AP2A2: variants seen among roughly 807,000 people sequenced by gnomAD.
AP2A2 encodes adaptor related protein complex 2 subunit alpha 2.
A neutral mutation model predicts 104.2 loss-of-function variants in AP2A2; 32 were observed. The ratio of observed to expected loss-of-function variants is 0.31; its 90% CI spans 0.23 to 0.41. The LOEUF (loss-of-function observed/expected upper bound fraction) is 0.41, where lower values mean the gene tolerates loss of function less well. AP2A2 is among the 10% of genes least tolerant of loss of function. AP2A2 has a pLI of 1.00. For missense variants in AP2A2, 912 were observed against 1,261.0 expected, an observed-to-expected ratio of 0.72 and a Z score of 4.19; for synonymous variants, 539 against 533.3, an observed-to-expected ratio of 1.01 and a Z score of -0.15.
In AP2A2 at chr11:1,009,793, C is replaced by T. The variant is rs1856359757; in HGVS notation, c.2718C>T (p.Arg906=). ...CCACCCAGATTGGATGCCTGCTGCG[C>T]TTGGAGCCGAACCTGCAAGCCCAGG... is the stretch of plus-strand genomic sequence containing the variant. ...TKTTQIGCLL[R]LEPNLQAQMY... The change falls in exon 21 of 22, where the codon CGC becomes CGT. Residue 906 remains arginine, a synonymous_variant. Transcript: ENST00000448903. The T allele has an allele frequency of 1.3e-6, 2 of 1,548,394 alleles. No homozygotes were observed. Among genetic ancestry groups the T allele is most frequent in the African/African-American group, 1.4e-5 (1 of 73,044 alleles).
intron 16 of AP2A2, among the ~76,000 whole-genome samples, chr11:1,004,595 G>T (rs1377397486): frequency 2.6e-5 from 4 of 151,882 alleles, no homozygotes; most frequent in Non-Finnish European, 2.9e-5. Context: ...GCACAACATT[G>T]TGAGACCCCA....
intron 10 of AP2A2, 189 bp downstream of exon 10, chr11:988,878 C>A: frequency 1.4e-6 from 1 of 735,288 alleles, no homozygotes. Context: ...ACCTGTGGTC[C>A]CCGCTACTCC....
chr11:980,666 GGCCTCATCCA>G (rs1438278352), intron 5 of AP2A2, among the ~76,000 whole-genome samples: 3 of 152,246 alleles, frequency 2.0e-5, no homozygotes, highest in Non-Finnish European at 4.4e-5. Flanking sequence ...TGGGCCTAGT[GGCCTCATCCA>G]GCCTATGGTG....
chr11:983,319 C>T (rs1288815127), intron 6 of AP2A2, among the ~76,000 whole-genome samples: 1 of 151,918 alleles, frequency 6.6e-6, no homozygotes, highest in Non-Finnish European at 1.5e-5. Context: ...GACACCGCAC[C>T]TGGACTCCTT....
Position 992,161 on chromosome 11 carries a change from TGCCACCGGGA to T in AP2A2, c.1270-338_1270-329del, listed in dbSNP as rs1564814444. On this transcript the variant is annotated intron_variant, in intron 10 of 21. Coordinates refer to ENST00000448903, the MANE Select transcript of AP2A2 (RefSeq NM_012305.4). The surrounding 1 kb of genome is among the most constrained non-coding windows in gnomAD (Gnocchi z 6.4). ...GCGCAGTCAGAGGTCAGAGGAGTGC[TGCCACCGGGA>T]GCCTAGGGTGATGAGGTCAGAGGAG... 6.6e-6 allele frequency among the ~76,000 whole-genome samples: 1 copy of T among 151,832 alleles called. No individual in the cohort carries two copies. The highest frequency in any genetic ancestry group is 1.5e-5 in the Non-Finnish European group (1 of 67,940).
intron 1 of AP2A2, among the ~76,000 whole-genome samples, chr11:942,941 T>C (rs116049976): frequency 8.2e-4 from 125 of 152,146 alleles, no homozygotes; most frequent in African/African-American, 2.9e-3. Flanking sequence ...GGCTGTACTG[T>C]TGGAACTCAG....
At chr11:933,477 G>A (rs1441833152) in intron 1 of AP2A2, 1 of 452,922 alleles carries the variant, frequency 2.2e-6, no homozygotes, top group East Asian at 7.0e-5. Context: ...CCGGGTGGGT[G>A]GGATAGGTTG....
At position 992,359 on chromosome 11, in the gene AP2A2, C is replaced by G. The variant is rs576684076; in HGVS notation, c.1270-144C>G. 2 of 800,062 alleles carry G rather than the reference C, an allele frequency of 2.5e-6. No individual in the cohort carries two copies. Among genetic ancestry groups the G allele is most frequent in the Non-Finnish European group, 2.0e-6 (1 of 497,000 alleles). The allele number at this position is 800,062 out of a possible 1,614,324, so 49.6% of individuals were successfully genotyped here. On this transcript the variant is annotated intron_variant, in intron 10 of 21. Transcript: ENST00000448903. The surrounding 1 kb of genome is among the most constrained non-coding windows in gnomAD (Gnocchi z 6.4). ...TGGGCTCGTGGGCTTTTTTGAGAAT[C>G]GAGTTCAAGCTTCCTCCATGTCCCA...
At chr11:959,402 T>C in intron 1 of AP2A2, 35 bp from the exon 2 acceptor site, 2 of 1,384,504 alleles carry the variant, frequency 1.4e-6, no homozygotes, top group Non-Finnish European at 2.0e-6. Flanking sequence ...TAGAAATCAA[T>C]TAAAATAAAA....
At chr11:941,208 G>A (rs78374219) in intron 1 of AP2A2, among the ~76,000 whole-genome samples, 4 of 152,238 alleles carry the variant, frequency 2.6e-5, no homozygotes, top group East Asian at 1.9e-4. Flanking sequence ...TGTTCGAGAC[G>A]GTTTGCTTCT....
At chr11:978,845 A>C (rs1855142172) in intron 5 of AP2A2, among the ~76,000 whole-genome samples, 1 of 152,112 alleles carries the variant, frequency 6.6e-6, no homozygotes, top group Non-Finnish European at 1.5e-5. Flanking sequence ...GGGCGGGACC[A>C]GGTGGGTGAG....
At chr11:1,010,301 C>T in intron 21 of AP2A2, 1 of 580,958 alleles carries the variant, frequency 1.7e-6, no homozygotes, top group Non-Finnish European at 3.1e-6. Flanking sequence ...GAACATCCCA[C>T]AGCTTCTCCA....
At chr11:949,411 C>T (rs1482009394) in intron 1 of AP2A2, among the ~76,000 whole-genome samples, 6 of 152,102 alleles carry the variant, frequency 3.9e-5, no homozygotes, top group Admixed American at 1.3e-4. Flanking sequence ...AATTACAGGC[C>T]ATTATCATGA....
chr11:926,891 A>G (rs534382385), intron 1 of AP2A2, among the ~76,000 whole-genome samples: 43 of 152,244 alleles, frequency 2.8e-4, no homozygotes, highest in Admixed American at 1.7e-3. Flanking sequence ...AAGGATGTGC[A>G]GGGTGGCTGG....
At position 983,666 on chromosome 11, in the gene AP2A2, A is replaced by G. The variant is rs1266177860; in HGVS notation, c.706-979A>G. On this transcript the variant is annotated intron_variant, in intron 6 of 21. Transcript: ENST00000448903. ...TCAAAGTGCTGGGATTACAGGCGGG[A>G]GCCACCGCACCTGGCCTAGTCTCTT... 2.0e-5 allele frequency among the ~76,000 whole-genome samples: 3 copies of G among 152,168 alleles called. No homozygotes were observed. In the East Asian group the frequency reaches 5.8e-4, roughly 29 times the overall value.
intron 2 of AP2A2, among the ~76,000 whole-genome samples, chr11:966,812 C>T (rs1854633319): frequency 2.0e-5 from 3 of 152,112 alleles, no homozygotes; most frequent in South Asian, 4.1e-4. Flanking sequence ...CAAGAGAAGG[C>T]GTGGAGGCTC....
At chr11:1,004,472 A>G (rs1181093837) in intron 16 of AP2A2, among the ~76,000 whole-genome samples, 1 of 148,432 alleles carries the variant, frequency 6.7e-6, no homozygotes, top group Non-Finnish European at 1.5e-5. Flanking sequence ...GACTCTGTAA[A>G]TAAATAAATA....
chr11:934,865 T>C (rs1255898191), intron 1 of AP2A2, among the ~76,000 whole-genome samples: 7 of 148,548 alleles, frequency 4.7e-5, no homozygotes, highest in Admixed American at 2.7e-4. Context: ...TTTCTTTTCT[T>C]TTTTTTTTTT....
chr11:972,248 G>T lies in AP2A2; in HGVS notation c.466G>T (p.Val156Leu), dbSNP rs766748347. Residue 156 changes from valine to leucine, a missense_variant, in exon 4 of 22, where the codon GTA (valine) becomes TTA (leucine). By Grantham distance (32) the Val-to-Leu change is conservative. Transcript: ENST00000448903. ...AFAGEIPKVL[V>L]AGDTMDSVKQ... ...CGCCGGGGAGATCCCTAAGGTCCTCGTAGCCGGGTATGTGCCGGGCTCGTG... is the reference window on the plus strand; with the variant it reads ...CGCCGGGGAGATCCCTAAGGTCCTCTTAGCCGGGTATGTGCCGGGCTCGTG... The T allele has an allele frequency of 5.0e-6, 8 of 1,595,934 alleles. No individual in the cohort carries two copies. Among genetic ancestry groups the T allele is most frequent in the Non-Finnish European group, 6.8e-6 (8 of 1,175,094 alleles).
Sources: allele counts gnomAD v4.1 joint callset (sites outside exome capture counted in the v4.1 genomes callset), GRCh38; gene constraint gnomAD v4.1.1; non-coding constraint Gnocchi (gnomAD v3.1); transcripts MANE v1.5; gene names NCBI Gene and HGNC (gene_info 2026-07-23, HGNC 2026-07-21).